Variants in FAM168A observed in about 807,000 individuals in gnomAD.
FAM168A encodes the protein family with sequence similarity 168 member A, also known as protein FAM168A.
FAM168A carries 3 observed loss-of-function variants against 28.5 expected under a neutral mutation model. That is an observed-to-expected ratio of 0.11 (90% CI 0.05 to 0.27). FAM168A has a LOEUF of 0.27. Among genes scored for constraint, FAM168A ranks in the 10% least tolerant of loss-of-function variants. The probability of loss-of-function intolerance (pLI) is 1.00; values close to 1 mark genes in which losing one functional copy is unlikely to be tolerated. For synonymous variants in FAM168A, 122 were observed against 124.2 expected, an observed-to-expected ratio of 0.98 and a Z score of 0.12; for missense variants, 222 against 311.5, an observed-to-expected ratio of 0.71 and a Z score of 2.16.
intron 1 of FAM168A, among the ~76,000 whole-genome samples, chr11:73,568,406 C>T (rs1413917551): frequency 1.8e-4 from 28 of 152,142 alleles, no homozygotes; most frequent in Admixed American, 1.8e-3. Flanking sequence ...ATAACAATCT[C>T]AGACTAAAAT....
At chr11:73,499,933 A>T (rs1854972407) in intron 1 of FAM168A, among the ~76,000 whole-genome samples, 1 of 152,224 alleles carries the variant, frequency 6.6e-6, no homozygotes, top group Non-Finnish European at 1.5e-5. Flanking sequence ...AATGGAAACA[A>T]GCTGGAAAAC....
intron 3 of FAM168A, among the ~76,000 whole-genome samples, chr11:73,428,772 A>G (rs1420292957): frequency 1.3e-5 from 2 of 152,210 alleles, no homozygotes; most frequent in Non-Finnish European, 2.9e-5. Context: ...CTAAAGGTAA[A>G]TATGAAACCA....
At chr11:73,471,648 T>G (rs56057109) in intron 1 of FAM168A, among the ~76,000 whole-genome samples, 12,594 of 152,248 alleles carry the variant, frequency 0.083, 1,582 homozygotes, top group African/African-American at 0.27. Context: ...ATCTGTGTAT[T>G]TATGTTCCTA....
intron 1 of FAM168A, among the ~76,000 whole-genome samples, chr11:73,515,110 A>G (rs1943283877): frequency 6.6e-6 from 1 of 152,192 alleles, no homozygotes; most frequent in Non-Finnish European, 1.5e-5. Flanking sequence ...TTCTGCCCCA[A>G]AATAGCTCCC....
chr11:73,524,006 G>A (rs1226684825), intron 1 of FAM168A, among the ~76,000 whole-genome samples: 2 of 151,934 alleles, frequency 1.3e-5, no homozygotes, highest in African/African-American at 4.8e-5. Flanking sequence ...GGTATAGGTA[G>A]GAGCCACTGC....
intron 1 of FAM168A, among the ~76,000 whole-genome samples, chr11:73,484,269 G>T (rs1209798370): frequency 2.0e-5 from 3 of 152,048 alleles, no homozygotes; most frequent in African/African-American, 7.2e-5. Flanking sequence ...TTTTAAGGAT[G>T]TATAAGCTGA....
In FAM168A at chr11:73,547,167, GGGA is replaced by G. The variant is rs141362081; in HGVS notation, c.-19+50753_-19+50755del. Among the ~76,000 whole-genome samples the G allele has an allele frequency of 9.0e-3, 1,341 of 149,440 alleles. 24 individuals carry two copies. Among genetic ancestry groups the G allele is most frequent in the African/African-American group, 0.029 (1,175 of 40,736 alleles). ...GGAGTAGGCAGAGGAAAAGGCGGGG[GGGA>G]GGAGGAGGAGGAGGAAGAAGAAAGA... On this transcript the variant is annotated intron_variant, in intron 1 of 7. Transcript: ENST00000356467.
rs185764907 is a variant in FAM168A, at chr11:73,588,145, C to A, written c.-19+9778G>T. On this transcript the variant is annotated intron_variant, in intron 1 of 7. Coordinates refer to ENST00000356467, the MANE Select transcript of FAM168A (RefSeq NM_015159.3). ...GCAATTGAGTTGCAAACTGTACTGGCTGCTTTAATAAACACCATTTTTACT... is the reference window on the plus strand; with the variant it reads ...GCAATTGAGTTGCAAACTGTACTGGATGCTTTAATAAACACCATTTTTACT... 1.6e-3 allele frequency among the ~76,000 whole-genome samples: 238 copies of A among 152,238 alleles called. 1 individual carries two copies. The highest frequency in any genetic ancestry group is 5.3e-3 in the African/African-American group (219 of 41,528).
chr11:73,592,619 A>G (rs1027401519), intron 1 of FAM168A, among the ~76,000 whole-genome samples: 1 of 152,016 alleles, frequency 6.6e-6, no homozygotes, highest in Non-Finnish European at 1.5e-5. Flanking sequence ...GGGAGGGAGA[A>G]GAAGGAATGG....
chr11:73,484,624 A>G (rs113988287), intron 1 of FAM168A, among the ~76,000 whole-genome samples: 1 of 145,640 alleles, frequency 6.9e-6, no homozygotes. Context: ...ATATCTATAT[A>G]TAGATATCTA....
chr11:73,500,154 T>G (rs1854976943), intron 1 of FAM168A, among the ~76,000 whole-genome samples: 1 of 151,838 alleles, frequency 6.6e-6, no homozygotes, highest in African/African-American at 2.4e-5. Context: ...GGGAAGCCCA[T>G]CAGTCTAACA....
intron 1 of FAM168A, among the ~76,000 whole-genome samples, chr11:73,505,122 T>C (rs942777583): frequency 1.3e-5 from 2 of 152,142 alleles, no homozygotes; most frequent in African/African-American, 4.8e-5. Context: ...TCCCATTTTT[T>C]TTTTAGAAGA....
At chr11:73,525,902 G>A (rs766776963) in intron 1 of FAM168A, among the ~76,000 whole-genome samples, 4 of 152,114 alleles carry the variant, frequency 2.6e-5, no homozygotes, top group Non-Finnish European at 5.9e-5. Context: ...TTAATTGCAA[G>A]CCCCCTCATG....
intron 1 of FAM168A, among the ~76,000 whole-genome samples, chr11:73,575,611 T>C (rs1227626471): frequency 6.6e-6 from 1 of 152,190 alleles, no homozygotes; most frequent in African/African-American, 2.4e-5. Flanking sequence ...GGCTCACACC[T>C]GTAATCCCAG....
At chr11:73,472,943 T>G (rs938843753) in intron 1 of FAM168A, among the ~76,000 whole-genome samples, 1 of 152,064 alleles carries the variant, frequency 6.6e-6, no homozygotes, top group Non-Finnish European at 1.5e-5. Context: ...ATGTTTGATA[T>G]ACAATCAACA....
At chr11:73,542,086 T>G (rs1259142821) in intron 1 of FAM168A, among the ~76,000 whole-genome samples, 1 of 152,138 alleles carries the variant, frequency 6.6e-6, no homozygotes, top group African/African-American at 2.4e-5. Flanking sequence ...TATGTTAGAG[T>G]GTCCAGAGTT....
intron 1 of FAM168A, among the ~76,000 whole-genome samples, chr11:73,496,873 T>TCACACACACACACACACACACACACACA (rs71065011): frequency 7.1e-6 from 1 of 140,128 alleles, no homozygotes; most frequent in African/African-American, 2.7e-5. Context: ...TATGTTCTTA[T>TCACACACACACACACACACACACACACA]CACACACACA....
At chr11:73,596,234 T>C (rs1408050644) in intron 1 of FAM168A, among the ~76,000 whole-genome samples, 1 of 152,156 alleles carries the variant, frequency 6.6e-6, no homozygotes, top group African/African-American at 2.4e-5. Flanking sequence ...AATCTCAAGC[T>C]CATCAAATCT....
chr11:73,453,149 C>T (rs1255230841), intron 2 of FAM168A, among the ~76,000 whole-genome samples: 1 of 152,248 alleles, frequency 6.6e-6, no homozygotes, highest in African/African-American at 2.4e-5. Flanking sequence ...ATAGCAGGTA[C>T]ACTTTGGTAG....
Sources: gnomAD v4.1 joint callset for allele counts (sites outside exome capture counted in the v4.1 genomes callset) on GRCh38, gnomAD v4.1.1 for gene constraint, MANE v1.5 for transcripts, NCBI Gene and HGNC (gene_info 2026-07-23, HGNC 2026-07-21) for gene names.